The following PLEKHA6 variants were observed in gnomAD, a reference collection of about 807,000 sequenced individuals.
PLEKHA6 encodes the protein pleckstrin homology domain-containing family A member 6.
A neutral mutation model predicts 116.7 loss-of-function variants in PLEKHA6; 60 were observed. That is an observed-to-expected ratio of 0.51 (90% CI 0.42 to 0.64). The LOEUF (loss-of-function observed/expected upper bound fraction) is 0.64, where lower values mean the gene tolerates loss of function less well. PLEKHA6 is among the 30% of genes least tolerant of loss of function. The pLI, the probability that PLEKHA6 is intolerant of heterozygous loss-of-function variation, is 0.00. For missense variants in PLEKHA6, 1,338 were observed against 1,422.7 expected (o/e 0.94, Z 0.96); for synonymous variants, 489 against 556.1 (o/e 0.88, Z 1.70).
chr1:204,323,923 G>A (rs1321276567), intron 1 of PLEKHA6, among the ~76,000 whole-genome samples: 2 of 152,138 alleles, frequency 1.3e-5, no homozygotes, highest in Non-Finnish European at 2.9e-5. Context: ...GAAAGGACCT[G>A]GGCAGACTGA....
Position 204,241,756 on chromosome 1 carries a change from G to T in PLEKHA6, c.2231C>A (p.Thr744Asn). Residue 744 changes from threonine (T) to asparagine (N), a missense_variant, in exon 16 of 23, where the codon ACC (threonine) becomes AAC (asparagine). Transcript: ENST00000272203. ...GGGCACAAGGCTGATGTCTCTGGGG[G>T]TGTCCAGGGGCAATGTCTGGTGGGG... ...KDPHQTLPLDTPRDISLVPTR... is the reference protein window; with the variant it reads ...KDPHQTLPLDNPRDISLVPTR... 1 of 1,613,946 alleles carries T rather than the reference G, an allele frequency of 6.2e-7. No individual in the cohort carries two copies. The highest frequency in any genetic ancestry group is 1.1e-5 in the South Asian group (1 of 91,068).
chr1:204,282,616 G>A (rs1356201091), intron 1 of PLEKHA6: 6 of 980,134 alleles, frequency 6.1e-6, no homozygotes, highest in South Asian at 4.7e-5. Flanking sequence ...TATCATTCCC[G>A]GGTACAGCCA....
intron 17 of PLEKHA6, among the ~76,000 whole-genome samples, chr1:204,237,667 T>C (rs1320726995): frequency 6.6e-6 from 1 of 152,196 alleles, no homozygotes; most frequent in Admixed American, 6.5e-5. Flanking sequence ...TCCATTCCTG[T>C]CCATAAGGCC....
intron 1 of PLEKHA6, among the ~76,000 whole-genome samples, chr1:204,336,928 G>T (rs1672669114): frequency 6.6e-6 from 1 of 152,210 alleles, no homozygotes; most frequent in Non-Finnish European, 1.5e-5. Context: ...TTGCTGGGAA[G>T]GCTTCCATTT....
At position 204,331,828 on chromosome 1, in the gene PLEKHA6, G is replaced by T. The variant is rs1221229000; in HGVS notation, c.-95+27866C>A. Among the ~76,000 whole-genome samples, 4 of 151,766 alleles carry T rather than the reference G, an allele frequency of 2.6e-5. No homozygotes were observed. In the East Asian group the frequency reaches 7.8e-4, roughly 30 times the overall value. On this transcript the variant is annotated intron_variant, in intron 1 of 22. Coordinates refer to ENST00000272203, the MANE Select transcript of PLEKHA6 (RefSeq NM_014935.5). ...AACGGTCAGCCGGCTGTCCCCCCCG[G>T]GTCCCAAAGCCCCATGCCCCTAGAG...
At chr1:204,306,215 C>A (rs749499809) in intron 1 of PLEKHA6, among the ~76,000 whole-genome samples, 1 of 152,200 alleles carries the variant, frequency 6.6e-6, no homozygotes, top group Non-Finnish European at 1.5e-5. Context: ...GGCCACCCAC[C>A]ATTCCTGCGA....
intron 1 of PLEKHA6, among the ~76,000 whole-genome samples, chr1:204,303,770 G>C (rs574641134): frequency 1.3e-5 from 2 of 152,326 alleles, no homozygotes; most frequent in Admixed American, 6.5e-5. Context: ...CTGGAGTACA[G>C]AGGCGCAATC....
chr1:204,301,913 C>T (rs569321513), intron 1 of PLEKHA6, among the ~76,000 whole-genome samples: 4 of 152,290 alleles, frequency 2.6e-5, no homozygotes, highest in African/African-American at 9.6e-5. Flanking sequence ...CTCTAAGGCA[C>T]AGTCGTCCAA....
chr1:204,241,882 T>C (rs778036420), intron 15 of PLEKHA6, 68 bp from the exon 16 acceptor site: 24 of 1,538,642 alleles, frequency 1.6e-5, no homozygotes, highest in Middle Eastern at 3.4e-4. Flanking sequence ...CCCAGTGATG[T>C]TTCTTTGTTT....
Position 204,259,550 on chromosome 1 carries a change from G to A in PLEKHA6, c.715C>T (p.Leu239Phe). 4 of 1,614,096 alleles carry A rather than the reference G, an allele frequency of 2.5e-6. No homozygotes were observed. In the South Asian group the frequency reaches 3.3e-5, roughly 13 times the overall value. The change falls in exon 8 of 23, where the codon CTC (leucine) becomes TTC (phenylalanine). Residue 239 changes from leucine to phenylalanine, a missense_variant. Coordinates refer to ENST00000272203, the MANE Select transcript of PLEKHA6 (RefSeq NM_014935.5). The surrounding 1 kb of genome is among the most constrained non-coding windows in gnomAD (Gnocchi z 4.6). ...GAGGCTGGCTCCGGTCCAGCTGGGA[G>A]GCCATTGGCTTTCACCGGAGGCTCT... The part of the protein sequence containing the change: ...KKEPPVKANG[L>F]PAGPEPASEP...
rs79336532 is a variant in PLEKHA6, at chr1:204,264,404, G to A, written c.381+538C>T. ...ACTTGTTCTCTCAAATGGTTTCTTC[G>A]TAAGATTTGCAGCTCTTGTGGAATG... On this transcript the variant is annotated intron_variant, in intron 6 of 22. Coordinates refer to ENST00000272203, the MANE Select transcript of PLEKHA6 (RefSeq NM_014935.5). Among the ~76,000 whole-genome samples, 1,427 of 152,258 alleles carry A rather than the reference G, an allele frequency of 9.4e-3. 28 individuals are homozygous for A. The highest frequency in any genetic ancestry group is 0.032 in the African/African-American group (1,348 of 41,524).
At chr1:204,253,702 C>T (rs1664870291) in intron 9 of PLEKHA6, among the ~76,000 whole-genome samples, 1 of 151,992 alleles carries the variant, frequency 6.6e-6, no homozygotes, top group South Asian at 2.1e-4. Flanking sequence ...GGTGGCTGCA[C>T]ACCTGTCTGT....
At chr1:204,350,116 G>A (rs987792927) in intron 1 of PLEKHA6, among the ~76,000 whole-genome samples, 2 of 152,180 alleles carry the variant, frequency 1.3e-5, no homozygotes, top group African/African-American at 4.8e-5. Context: ...GAGCCCAGAA[G>A]TTCAAGACCA....
chr1:204,274,323 G>A (rs1232508212), intron 2 of PLEKHA6, among the ~76,000 whole-genome samples: 2 of 152,188 alleles, frequency 1.3e-5, no homozygotes, highest in African/African-American at 2.4e-5. Context: ...GCCTATGAGA[G>A]TAGATTAATT....
chr1:204,245,641 C>G lies in PLEKHA6; in HGVS notation c.2006G>C (p.Arg669Pro). The part of the protein sequence containing the change: ...MEGLRKNNPS[R>P]GTDTAKHRGG... ...TCTGTGCTTGGCGGTGTCCGTGCCC[C>G]GGGAGGGGTTGTTCTTCCTCAGCCC... The change falls in exon 14 of 23, where the codon CGG becomes CCG. Residue 669 changes from arginine to proline, a missense_variant. Transcript: ENST00000272203. 6.2e-7 allele frequency: 1 copy of G among 1,612,708 alleles called. No individual in the cohort carries two copies. The highest frequency in any genetic ancestry group is 8.5e-7 in the Non-Finnish European group (1 of 1,178,954).
intron 1 of PLEKHA6, among the ~76,000 whole-genome samples, chr1:204,348,050 T>G (rs1011724376): frequency 6.6e-6 from 1 of 152,162 alleles, no homozygotes; most frequent in African/African-American, 2.4e-5. Context: ...GCGGAATTCC[T>G]AGTCGCACAC....
At chr1:204,330,298 TG>T (rs746546434) in intron 1 of PLEKHA6, among the ~76,000 whole-genome samples, 58 of 152,294 alleles carry the variant, frequency 3.8e-4, no homozygotes, top group Admixed American at 1.1e-3. Flanking sequence ...TGCACTCAGC[TG>T]GAAGTCCCTT....
chr1:204,317,465 T>C (rs1384631879), intron 1 of PLEKHA6, among the ~76,000 whole-genome samples: 1 of 152,210 alleles, frequency 6.6e-6, no homozygotes, highest in East Asian at 1.9e-4. Context: ...CTGGGCCTAT[T>C]TTCTTTAGAA....
chr1:204,251,758 G>T (rs1664596911), intron 9 of PLEKHA6: 2 of 592,072 alleles, frequency 3.4e-6, no homozygotes, highest in Non-Finnish European at 6.1e-6. Context: ...CTCACCCCTA[G>T]TGACCTCTGT....
Sources: gnomAD v4.1 joint callset for allele counts (sites outside exome capture counted in the v4.1 genomes callset) on GRCh38, gnomAD v4.1.1 for gene constraint, Gnocchi (gnomAD v3.1) non-coding constraint, MANE v1.5 for transcripts, NCBI Gene and HGNC (gene_info 2026-07-23, HGNC 2026-07-21) for gene names.